GAS7: variants seen among roughly 807,000 people sequenced by gnomAD.
GAS7 encodes growth arrest-specific protein 7.
A neutral mutation model predicts 71.1 loss-of-function variants in GAS7; 28 were observed. The observed-to-expected ratio is 0.39, with a 90% CI of 0.29 to 0.54. The LOEUF (loss-of-function observed/expected upper bound fraction) is 0.54. GAS7 is among the 20% of genes least tolerant of loss of function. The pLI, the probability that GAS7 is intolerant of heterozygous loss-of-function variation, is 0.62. For missense variants in GAS7, 436 were observed against 627.8 expected, an observed-to-expected ratio of 0.69 and a Z score of 3.27; for synonymous variants, 258 against 245.8, an observed-to-expected ratio of 1.05 and a Z score of -0.46.
intron 1 of GAS7, among the ~76,000 whole-genome samples, chr17:10,154,618 G>C (rs1436443999): frequency 1.3e-5 from 2 of 152,090 alleles, no homozygotes; most frequent in Admixed American, 1.3e-4. Flanking sequence ...TTTGAGACCA[G>C]CCAGGGCAGT....
chr17:9,939,633 G>A lies in GAS7; in HGVS notation c.806+493C>T, dbSNP rs960645174. On this transcript the variant is annotated intron_variant, in intron 8 of 13. Coordinates refer to ENST00000432992, the MANE Select transcript of GAS7 (RefSeq NM_201433.2). ...AAGTGCCTTTTTTTTTTTTTGAGAC[G>A]GAGTCTCGCTCTGTCGCCCAGGCTG... 1.9e-4 allele frequency among the ~76,000 whole-genome samples: 28 copies of A among 150,422 alleles called. No individual in the cohort carries two copies. In the South Asian group the frequency reaches 2.9e-3, roughly 16 times the overall value.
At chr17:10,027,663 C>T (rs925883475) in intron 1 of GAS7, among the ~76,000 whole-genome samples, 1 of 152,200 alleles carries the variant, frequency 6.6e-6, no homozygotes, top group African/African-American at 2.4e-5. Context: ...TGGAGGCAGA[C>T]AACAGTCCTC....
intron 1 of GAS7, among the ~76,000 whole-genome samples, chr17:10,190,863 C>T (rs2074492915): frequency 6.6e-6 from 1 of 151,792 alleles, no homozygotes; most frequent in South Asian, 2.1e-4. Flanking sequence ...AAAAAAAAAC[C>T]CTCATGTTTT....
chr17:10,103,453 C>T lies in GAS7; in HGVS notation c.184-83556G>A, dbSNP rs11651314. ...ACCCTACTCTAGCTGCCCAGTGAGA[C>T]TGTTTTCCATTTTCCAAAACAACGA... On this transcript the variant is annotated intron_variant, in intron 1 of 13. Coordinates refer to ENST00000432992, the MANE Select transcript of GAS7 (RefSeq NM_201433.2). This position sits in a 1 kb window ranked among gnomAD's most constrained non-coding sequence, Gnocchi z 5.5. 0.19 allele frequency among the ~76,000 whole-genome samples: 28,613 copies of T among 152,068 alleles called. 2,803 individuals are homozygous for T. The highest frequency in any genetic ancestry group is 0.23 in the South Asian group (1,095 of 4,814).
chr17:10,009,574 C>A (rs917138411), intron 2 of GAS7, among the ~76,000 whole-genome samples: 1 of 149,506 alleles, frequency 6.7e-6, no homozygotes, highest in African/African-American at 2.5e-5. Flanking sequence ...GTGTGGTACT[C>A]ATGCCTGTAA....
At chr17:10,093,960 G>C (rs369394074) in intron 1 of GAS7, among the ~76,000 whole-genome samples, 1 of 152,116 alleles carries the variant, frequency 6.6e-6, no homozygotes, top group East Asian at 1.9e-4. Context: ...TCCCCTTCTG[G>C]CATAAGAAGC....
chr17:9,928,937 A>G (rs2068110075), intron 9 of GAS7, among the ~76,000 whole-genome samples: 1 of 152,170 alleles, frequency 6.6e-6, no homozygotes, highest in Admixed American at 6.5e-5. Flanking sequence ...CTAACAGAGA[A>G]CTGGCCATCC....
rs9889735 is a variant in GAS7, at chr17:10,071,928, C to T, written c.184-52031G>A. On this transcript the variant is annotated intron_variant, in intron 1 of 13. Coordinates refer to ENST00000432992, the MANE Select transcript of GAS7 (RefSeq NM_201433.2). ...CTCCAGCCTGGGCAACAGAGTGAGACTCCATCTCAAGAAAAAAAAAAAAAA... is the reference window on the plus strand; with the variant it reads ...CTCCAGCCTGGGCAACAGAGTGAGATTCCATCTCAAGAAAAAAAAAAAAAA... Among the ~76,000 whole-genome samples the T allele has an allele frequency of 1.6e-3, 221 of 137,102 alleles. 2 individuals are homozygous for T. The highest frequency in any genetic ancestry group is 5.6e-3 in the African/African-American group (197 of 35,122). The allele number at this position is 137,102 out of a possible 152,430, so 89.9% of individuals were successfully genotyped here.
Position 10,059,968 on chromosome 17 carries a change from G to T in GAS7, c.184-40071C>A, listed in dbSNP as rs182930804. On this transcript the variant is annotated intron_variant, in intron 1 of 13. Transcript: ENST00000432992. ...GCAGCTGGGCCCTTTCCCCCTGAGG[G>T]TGGGTGGGATGCCTCTGGAGAAGTG... Among the ~76,000 whole-genome samples the T allele has an allele frequency of 2.8e-4, 42 of 152,302 alleles. No homozygotes were observed. In the East Asian group the frequency reaches 8.1e-3, roughly 29 times the overall value.
rs569839218 is a variant in GAS7 at position 10,143,686 on chromosome 17, G to A, written c.183+54522C>T. Among the ~76,000 whole-genome samples the A allele has an allele frequency of 2.8e-3, 422 of 152,298 alleles. 3 individuals are homozygous for A. Among genetic ancestry groups the A allele is most frequent in the African/African-American group, 3.2e-3 (135 of 41,564 alleles). On this transcript the variant is annotated intron_variant, in intron 1 of 13. Transcript: ENST00000432992. Reference sequence around the variant, plus strand: ...CAGACAGGTACAGAGGGAGGACCACGTGAGGACACATGGAGAAAACAAGCC... The same window carrying A: ...CAGACAGGTACAGAGGGAGGACCACATGAGGACACATGGAGAAAACAAGCC...
At chr17:9,934,785 G>C (rs2068337799) in intron 8 of GAS7, among the ~76,000 whole-genome samples, 1 of 152,200 alleles carries the variant, frequency 6.6e-6, no homozygotes, top group South Asian at 2.1e-4. Flanking sequence ...GCCTAGGCTG[G>C]AGTACAATGG....
At chr17:10,116,907 A>G (rs958057740) in intron 1 of GAS7, among the ~76,000 whole-genome samples, 21 of 152,100 alleles carry the variant, frequency 1.4e-4, no homozygotes, top group African/African-American at 4.8e-4. Flanking sequence ...AAAAGAAAAA[A>G]CAGAGCAAAG....
chr17:10,043,261 T>G (rs769626890), intron 1 of GAS7, among the ~76,000 whole-genome samples: 34 of 152,038 alleles, frequency 2.2e-4, no homozygotes, highest in Non-Finnish European at 3.2e-4. Context: ...AAGAACCAGG[T>G]CTTCATCTTT....
At chr17:10,130,236 A>C (rs564606435) in intron 1 of GAS7, among the ~76,000 whole-genome samples, 294 of 152,120 alleles carry the variant, frequency 1.9e-3, no homozygotes, top group African/African-American at 6.6e-3. Flanking sequence ...AGGCACAAGA[A>C]AAGATGGCCA....
At chr17:10,155,413 T>C (rs1347524272) in intron 1 of GAS7, among the ~76,000 whole-genome samples, 1 of 152,168 alleles carries the variant, frequency 6.6e-6, no homozygotes, top group Non-Finnish European at 1.5e-5. Context: ...ATAGCCATGT[T>C]TTCAGGCTCA....
intron 4 of GAS7, among the ~76,000 whole-genome samples, chr17:9,962,010 C>T (rs996934850): frequency 6.6e-6 from 1 of 152,156 alleles, no homozygotes; most frequent in Non-Finnish European, 1.5e-5. Flanking sequence ...ACGCAGAGGT[C>T]GCACCTCCTC....
chr17:9,934,098 A>G, intron 9 of GAS7, 68 bp downstream of exon 9: 1 of 1,016,224 alleles, frequency 9.8e-7, no homozygotes, highest in African/African-American at 1.6e-5. Context: ...CTGGAGAGAC[A>G]GTTGTTAACT....
rs112383678 is a variant in GAS7, at chr17:9,941,773, G to A, written c.731+1348C>T. On this transcript the variant is annotated intron_variant, in intron 7 of 13. Transcript: ENST00000432992. ...CAAACCCGAGCTGTGCAACCTCTCC[G>A]TTTCCCACCAGTTTAATGGGTCATA... Among the ~76,000 whole-genome samples, 4 of 152,052 alleles carry A rather than the reference G, an allele frequency of 2.6e-5. No individual in the cohort carries two copies. In the East Asian group the frequency reaches 5.8e-4, roughly 22 times the overall value.
At chr17:10,092,827 C>A (rs1767825260) in intron 1 of GAS7, among the ~76,000 whole-genome samples, 1 of 152,210 alleles carries the variant, frequency 6.6e-6, no homozygotes, top group South Asian at 2.1e-4. Flanking sequence ...TGATCTTTGT[C>A]TCCATGGTCA....
Sources: gnomAD v4.1 joint callset for allele counts (sites outside exome capture counted in the v4.1 genomes callset) on GRCh38, gnomAD v4.1.1 for gene constraint, Gnocchi (gnomAD v3.1) non-coding constraint, MANE v1.5 for transcripts, NCBI Gene and HGNC (gene_info 2026-07-23, HGNC 2026-07-21) for gene names.